Variants in FAM47E observed in about 807,000 individuals in gnomAD.
FAM47E encodes the protein family with sequence similarity 47 member E, also known as protein FAM47E.
FAM47E carries 32 observed loss-of-function variants against 41.6 expected under a neutral mutation model. The observed-to-expected ratio is 0.77, with a 90% CI of 0.58 to 1.03. The LOEUF is 1.03. Ranked by LOEUF, FAM47E falls within the 50% of genes least tolerant of loss-of-function variation. The pLI is 0.00. For synonymous variants in FAM47E, 184 were observed against 188.7 expected (o/e 0.98, Z 0.20); for missense variants, 424 against 485.4 (o/e 0.87, Z 1.19).
At chr4:76,282,659 A>T (rs1201506197) in intron 7 of FAM47E, 2 of 152,110 alleles carry the variant, frequency 1.3e-5, no homozygotes, top group Non-Finnish European at 2.9e-5. Flanking sequence ...GTCTCCCTAC[A>T]TCTGGCTGTC....
At chr4:76,224,633 G>A (rs913716976) in intron 2 of FAM47E, among the ~76,000 whole-genome samples, 1 of 152,098 alleles carries the variant, frequency 6.6e-6, no homozygotes, top group African/African-American at 2.4e-5. Context: ...CATGATTTTG[G>A]TTCACTGCAA....
At position 76,263,951 on chromosome 4, in the gene FAM47E, G is replaced by A. The variant is rs544057767; in HGVS notation, c.560+108G>A. 1.8e-5 allele frequency: 26 copies of A among 1,437,266 alleles called. No individual in the cohort carries two copies. The South Asian group carries it at 2.4e-4, about 13-fold the overall frequency. The allele number at this position is 1,437,266 out of a possible 1,614,324, so 89.0% of individuals were successfully genotyped here. A position where few individuals can be genotyped will look rare whatever the true frequency, so the allele number is the denominator to read the frequency against. On this transcript the variant is annotated intron_variant, in intron 3 of 7. Coordinates refer to ENST00000424749, the MANE Select transcript of FAM47E (RefSeq NM_001136570.3). ...TTAGAATACTTCTAATGAAGCAAAT[G>A]TAACTAAGTTCCCAAGGAAGAGGGA...
chr4:76,256,247 A>T lies in FAM47E; in HGVS notation c.144A>T (p.Pro48=). 6.4e-7 allele frequency: 1 copy of T among 1,551,680 alleles called. No homozygotes were observed. The highest frequency in any genetic ancestry group is 8.7e-7 in the Non-Finnish European group (1 of 1,146,992). Residue 48 remains proline (P), a synonymous_variant, in exon 2 of 8, where the codon CCA becomes CCT. Transcript: ENST00000424749. ...TGCACAGCCGGCAGTTGGTATTTCC[A>T]AGAAAGGGGCTGGACGACTTCAGGA... The part of the protein sequence containing the change: ...TSLHSRQLVF[P]RKGLDDFRKG...
chr4:76,249,080 T>C (rs1044216909), upstream of FAM47E, among the ~76,000 whole-genome samples: 7 of 152,020 alleles, frequency 4.6e-5, no homozygotes, highest in Non-Finnish European at 1.0e-4. Context: ...ATACAAAAAT[T>C]AGCCCGGCAT....
intron 2 of FAM47E, among the ~76,000 whole-genome samples, chr4:76,217,975 G>T (rs1733243119): frequency 6.6e-6 from 1 of 152,196 alleles, no homozygotes. Context: ...TGAGTTTAAT[G>T]ATGTAGTCAT....
chr4:76,231,331 G>A (rs1411779774), intron 2 of FAM47E, among the ~76,000 whole-genome samples: 2 of 152,204 alleles, frequency 1.3e-5, no homozygotes, highest in African/African-American at 4.8e-5. Flanking sequence ...TGTTGATCCA[G>A]ATTTTCACAT....
intron 2 of FAM47E, among the ~76,000 whole-genome samples, chr4:76,221,835 T>C (rs1343237578): frequency 6.6e-6 from 1 of 152,188 alleles, no homozygotes; most frequent in Non-Finnish European, 1.5e-5. Flanking sequence ...ACAGGATCCT[T>C]CGCACACCAA....
chr4:76,256,719 A>G (rs1452432854), intron 2 of FAM47E, among the ~76,000 whole-genome samples, 196 bp downstream of exon 2: 1 of 152,214 alleles, frequency 6.6e-6, no homozygotes, highest in African/African-American at 2.4e-5. Context: ...ATCAGCAGCA[A>G]CATGCACACT....
At chr4:76,235,987 C>T (rs770726360) in intron 2 of FAM47E, among the ~76,000 whole-genome samples, 1 of 152,212 alleles carries the variant, frequency 6.6e-6, no homozygotes, top group Non-Finnish European at 1.5e-5. Flanking sequence ...AGGATTCGTT[C>T]CTGGCAGACT....
At chr4:76,222,494 C>T (rs895661904) in intron 2 of FAM47E, among the ~76,000 whole-genome samples, 20 of 152,220 alleles carry the variant, frequency 1.3e-4, no homozygotes, top group Admixed American at 1.1e-3. Context: ...TTCCAAAGTG[C>T]TGGGATTACA....
At chr4:76,228,520 T>C (rs1464825076) in intron 2 of FAM47E, among the ~76,000 whole-genome samples, 1 of 152,138 alleles carries the variant, frequency 6.6e-6, no homozygotes, top group Admixed American at 6.6e-5. Flanking sequence ...TTAGAATTCC[T>C]TTTAGCATTT....
upstream of FAM47E, among the ~76,000 whole-genome samples, chr4:76,250,512 TTACTC>T (rs1406552935): frequency 6.6e-6 from 1 of 152,176 alleles, no homozygotes; most frequent in African/African-American, 2.4e-5. Context: ...TGTGGGCTGT[TTACTC>T]TGCTGATTAT....
chr4:76,257,664 T>C (rs1207829886), intron 2 of FAM47E, among the ~76,000 whole-genome samples: 1 of 152,120 alleles, frequency 6.6e-6, no homozygotes, highest in African/African-American at 2.4e-5. Flanking sequence ...GCCTGAACAC[T>C]TGCTCCAGAC....
At chr4:76,278,253 C>G in intron 6 of FAM47E, 29 bp downstream of exon 6, 4 of 1,488,760 alleles carry the variant, frequency 2.7e-6, no homozygotes, top group Non-Finnish European at 3.6e-6. Context: ...ATTTGATCAT[C>G]TGAGCTTCAG....
chr4:76,251,667 T>C, upstream of FAM47E: 1 of 1,368,712 alleles, frequency 7.3e-7, no homozygotes, highest in Non-Finnish European at 9.4e-7. Context: ...GCGGTGGTTG[T>C]GCGGTGTCCT....
At chr4:76,217,457 C>G in intron 1 of FAM47E, 3 of 405,244 alleles carry the variant, frequency 7.4e-6, no homozygotes, top group Non-Finnish European at 1.3e-5. Context: ...ATGCCTCCCT[C>G]AGGCATGAGT....
chr4:76,263,879 C>T, intron 3 of FAM47E, 36 bp downstream of exon 3: 1 of 1,542,494 alleles, frequency 6.5e-7, no homozygotes, highest in Non-Finnish European at 8.8e-7. Flanking sequence ...TCATTGCTGT[C>T]ACCTGATGAA....
At chr4:76,271,256 A>G (rs903108735) in intron 4 of FAM47E, among the ~76,000 whole-genome samples, 1 of 152,198 alleles carries the variant, frequency 6.6e-6, no homozygotes, top group South Asian at 2.1e-4. Flanking sequence ...ACACTGCCAT[A>G]TCTACACAAG....
intron 2 of FAM47E, among the ~76,000 whole-genome samples, chr4:76,237,592 A>C (rs1352550716): frequency 1.3e-5 from 2 of 152,128 alleles, no homozygotes; most frequent in Non-Finnish European, 2.9e-5. Context: ...CGTTGCTATA[A>C]AGAAATAACT....
Sources: allele counts gnomAD v4.1 joint callset (sites outside exome capture counted in the v4.1 genomes callset), GRCh38; gene constraint gnomAD v4.1.1; transcripts MANE v1.5; gene names NCBI Gene and HGNC (gene_info 2026-07-23, HGNC 2026-07-21).